Variants in RBM20 observed in about 807,000 individuals in gnomAD.
RBM20 encodes RNA-binding protein 20.
In RBM20, 51 loss-of-function variants were observed where a neutral mutation model predicts 110.1. The ratio of observed to expected loss-of-function variants is 0.46; its 90% CI spans 0.37 to 0.59. The LOEUF (loss-of-function observed/expected upper bound fraction) is 0.59. Ranked by LOEUF, RBM20 falls within the 20% of genes least tolerant of loss-of-function variation. The probability of loss-of-function intolerance (pLI) is 0.00; values close to 1 mark genes in which losing one functional copy is unlikely to be tolerated. For synonymous variants in RBM20, 589 were observed against 618.2 expected (o/e 0.95, Z 0.70); for missense variants, 1,512 against 1,574.9 (o/e 0.96, Z 0.68).
chr10:110,764,902 C>A (rs878980570), intron 1 of RBM20, among the ~76,000 whole-genome samples: 1 of 152,128 alleles, frequency 6.6e-6, no homozygotes, highest in South Asian at 2.1e-4. Context: ...TTTTTTAATT[C>A]TCCAGTTCAG....
At chr10:110,770,151 C>T (rs1467083045) in intron 1 of RBM20, among the ~76,000 whole-genome samples, 5 of 152,178 alleles carry the variant, frequency 3.3e-5, no homozygotes, top group Admixed American at 6.5e-5. Context: ...CCAGATCTTC[C>T]GAGTCAGACA....
chr10:110,741,638 C>T (rs530132964), intron 1 of RBM20, among the ~76,000 whole-genome samples: 1 of 152,334 alleles, frequency 6.6e-6, no homozygotes, highest in East Asian at 1.9e-4. Context: ...ACCAAGCCTT[C>T]TGCCATTTGT....
intron 1 of RBM20, among the ~76,000 whole-genome samples, chr10:110,696,884 G>A (rs1355982661): frequency 2.6e-5 from 4 of 152,088 alleles, no homozygotes; most frequent in African/African-American, 9.7e-5. Flanking sequence ...TCAAATGTGT[G>A]CTCATCCCTG....
chr10:110,739,963 C>T lies in RBM20; in HGVS notation c.192-40838C>T, dbSNP rs1049581079. On this transcript the variant is annotated intron_variant, in intron 1 of 13. Coordinates refer to ENST00000369519, the MANE Select transcript of RBM20 (RefSeq NM_001134363.3). This position sits in a 1 kb window ranked among gnomAD's most constrained non-coding sequence, Gnocchi z 4.1. ...CAGCCCCACTATACTGTCTCCCTCT[C>T]CCTCCTTCTCCAAGTGCCCAGACCT... 6.6e-6 allele frequency among the ~76,000 whole-genome samples: 1 copy of T among 152,238 alleles called. No individual in the cohort carries two copies. The highest frequency in any genetic ancestry group is 2.4e-5 in the African/African-American group (1 of 41,458).
At chr10:110,715,669 A>G (rs1165019767) in intron 1 of RBM20, among the ~76,000 whole-genome samples, 3 of 152,330 alleles carry the variant, frequency 2.0e-5, no homozygotes, top group Middle Eastern at 3.4e-3. Flanking sequence ...GCTGCTCCAT[A>G]TGATTCCTCA....
chr10:110,799,677 T>G, intron 6 of RBM20, 110 bp from the exon 7 acceptor site: 7 of 1,038,614 alleles, frequency 6.7e-6, no homozygotes, highest in Non-Finnish European at 9.5e-6. Context: ...TCACCGTTGA[T>G]TAGTTTTGCC....
chr10:110,675,868 C>A (rs574631882), intron 1 of RBM20, among the ~76,000 whole-genome samples: 13 of 152,314 alleles, frequency 8.5e-5, no homozygotes, highest in African/African-American at 2.9e-4. Context: ...TATATATAAT[C>A]ATTTAGCAGA....
At chr10:110,728,739 C>A (rs1206578000) in intron 1 of RBM20, among the ~76,000 whole-genome samples, 40 of 152,122 alleles carry the variant, frequency 2.6e-4, no homozygotes, top group Admixed American at 2.6e-3. Context: ...GGTGGGTGGG[C>A]AGGTGTCATT....
intron 1 of RBM20, among the ~76,000 whole-genome samples, chr10:110,682,610 T>C (rs1338180120): frequency 1.3e-5 from 2 of 152,226 alleles, no homozygotes; most frequent in Admixed American, 1.3e-4. Context: ...TGAGTTTGCC[T>C]GATGTGTCCT....
intron 1 of RBM20, among the ~76,000 whole-genome samples, chr10:110,729,393 A>G (rs1353229678): frequency 1.3e-5 from 2 of 152,092 alleles, no homozygotes; most frequent in African/African-American, 2.4e-5. Context: ...TAAACCTTGC[A>G]CTTTTTTCAA....
At position 110,836,129 on chromosome 10, in the gene RBM20, C is replaced by A. The variant is rs541499973; in HGVS notation, c.*151C>A. 26 of 512,972 alleles carry A rather than the reference C, an allele frequency of 5.1e-5. 1 individual carries two copies. In the South Asian group the frequency reaches 8.1e-4, roughly 16 times the overall value. The allele number at this position is 512,972 out of a possible 1,614,324, so 31.8% of individuals were successfully genotyped here. A position where few individuals can be genotyped will look rare whatever the true frequency, so the allele number is the denominator to read the frequency against. Reference sequence around the variant, plus strand: ...TTGCTTGGGCTTGTTCCCAGAGACTCAGTGAAATGCCCCTGATATGTCTCC... The same window carrying A: ...TTGCTTGGGCTTGTTCCCAGAGACTAAGTGAAATGCCCCTGATATGTCTCC... On this transcript the variant is annotated 3_prime_UTR_variant, in exon 14 of 14. Transcript: ENST00000369519.
chr10:110,721,629 A>ATT (rs1843508199), intron 1 of RBM20, among the ~76,000 whole-genome samples: 18 of 152,010 alleles, frequency 1.2e-4, no homozygotes, highest in Admixed American at 1.2e-3. Flanking sequence ...AGCCTCCCTA[A>ATT]TTGGTGTCAT....
intron 1 of RBM20, among the ~76,000 whole-genome samples, chr10:110,690,615 T>G (rs1215768912): frequency 6.6e-6 from 1 of 152,226 alleles, no homozygotes; most frequent in Non-Finnish European, 1.5e-5. Flanking sequence ...CTATTTTAGG[T>G]ATCTCATATA....
At chr10:110,649,347 G>C (rs1861914920) in intron 1 of RBM20, among the ~76,000 whole-genome samples, 1 of 152,054 alleles carries the variant, frequency 6.6e-6, no homozygotes, top group African/African-American at 2.4e-5. Flanking sequence ...TGAACAAATT[G>C]ATATAGCTCA....
chr10:110,785,142 G>T (rs936580284), intron 5 of RBM20, among the ~76,000 whole-genome samples: 3 of 152,202 alleles, frequency 2.0e-5, no homozygotes, highest in African/African-American at 7.2e-5. Context: ...CTGTGTGCCA[G>T]TCACCCTGAA....
chr10:110,697,721 G>A (rs1038407723), intron 1 of RBM20, among the ~76,000 whole-genome samples: 1 of 151,896 alleles, frequency 6.6e-6, no homozygotes, highest in African/African-American at 2.4e-5. Context: ...TCCCTGTCTG[G>A]TCCTCATCCT....
In RBM20 at chr10:110,801,829, A is replaced by G. The variant is rs1844629435; in HGVS notation, c.1800+1911A>G. Among the ~76,000 whole-genome samples, 3 of 151,628 alleles carry G rather than the reference A, an allele frequency of 2.0e-5. No homozygotes were observed. In the South Asian group the frequency reaches 6.2e-4, roughly 32 times the overall value. On this transcript the variant is annotated intron_variant, in intron 7 of 13. Transcript: ENST00000369519. ...CAAAGTGCTGGGATTACAAGCGTGA[A>G]CCACCGTGCCTGGCCAGTTTATCAC...
chr10:110,659,782 C>CTCCTCT (rs1269828931), intron 1 of RBM20, among the ~76,000 whole-genome samples: 1 of 149,956 alleles, frequency 6.7e-6, no homozygotes, highest in Non-Finnish European at 1.5e-5. Context: ...CCTCTTCCTC[C>CTCCTCT]TCCTCTTCCT....
At position 110,838,973 on chromosome 10, in the gene RBM20, T is replaced by C. The variant is rs1845170343; in HGVS notation, c.*2995T>C. The C allele has an allele frequency of 6.6e-6, 1 of 152,244 alleles. No individual in the cohort carries two copies. Among genetic ancestry groups the C allele is most frequent in the Admixed American group, 6.5e-5 (1 of 15,288 alleles). 9.4% of individuals were successfully genotyped at this position (152,244 alleles called of 1,614,324 possible). ...TTAATGGCAACCAGGTAAATATTGA[T>C]TTATTTTTTAAAGCTTTTCTTCAGT... is the stretch of plus-strand genomic sequence containing the variant. On this transcript the variant is annotated 3_prime_UTR_variant, in exon 14 of 14. Transcript: ENST00000369519.
Sources: gnomAD v4.1 joint callset for allele counts (sites outside exome capture counted in the v4.1 genomes callset) on GRCh38, gnomAD v4.1.1 for gene constraint, Gnocchi (gnomAD v3.1) non-coding constraint, MANE v1.5 for transcripts, NCBI Gene and HGNC (gene_info 2026-07-23, HGNC 2026-07-21) for gene names.